DLGAP2: variants seen among roughly 807,000 people sequenced by gnomAD.
The protein encoded by DLGAP2 is disks large-associated protein 2.
DLGAP2 carries 26 observed loss-of-function variants against 100.3 expected under a neutral mutation model. That is an observed-to-expected ratio of 0.26 (90% confidence interval 0.19 to 0.36). The LOEUF (loss-of-function observed/expected upper bound fraction) is 0.36. Ranked by LOEUF, DLGAP2 falls within the 10% of genes least tolerant of loss-of-function variation. The pLI, the probability that DLGAP2 is intolerant of heterozygous loss-of-function variation, is 1.00. For missense variants in DLGAP2, 1,858 were observed against 1,453.2 expected (o/e 1.28, Z -4.53); for synonymous variants, 886 against 630.1 (o/e 1.41, Z -6.08).
At chr8:1,517,261 G>T (rs1479407063) in intron 4 of DLGAP2, among the ~76,000 whole-genome samples, 1 of 152,150 alleles carries the variant, frequency 6.6e-6, no homozygotes, top group Non-Finnish European at 1.5e-5. Flanking sequence ...GCCCTCTGTG[G>T]GGTCAGGAGC....
intron 3 of DLGAP2, among the ~76,000 whole-genome samples, chr8:1,499,924 C>A (rs11136400): frequency 2.0e-5 from 3 of 149,848 alleles, no homozygotes; most frequent in African/African-American, 7.4e-5. Context: ...TCCAGCATCA[C>A]ACTCTGAAAT....
intron 8 of DLGAP2, among the ~76,000 whole-genome samples, chr8:1,651,787 A>G (rs1290239426): frequency 6.6e-6 from 1 of 152,132 alleles, no homozygotes; most frequent in Non-Finnish European, 1.5e-5. Context: ...CCATCTGGGT[A>G]TGTGCTCATC....
intron 10 of DLGAP2, among the ~76,000 whole-genome samples, chr8:1,671,550 C>T (rs1356820439): frequency 6.6e-6 from 1 of 152,226 alleles, no homozygotes; most frequent in African/African-American, 2.4e-5. Flanking sequence ...GGTCCTGTCC[C>T]ACAATGCAAC....
At chr8:1,104,136 A>G (rs1346172242) in intron 2 of DLGAP2, among the ~76,000 whole-genome samples, 4 of 152,182 alleles carry the variant, frequency 2.6e-5, no homozygotes, top group African/African-American at 9.7e-5. Flanking sequence ...TGGGGGTACC[A>G]CGTGTTAGGG....
chr8:858,582 T>C (rs1797327687), intron 1 of DLGAP2, among the ~76,000 whole-genome samples: 1 of 148,812 alleles, frequency 6.7e-6, no homozygotes, highest in African/African-American at 2.5e-5. Flanking sequence ...CGTGGGGACA[T>C]GTGTGACGCT....
chr8:926,033 C>T (rs1584894486), intron 2 of DLGAP2, among the ~76,000 whole-genome samples: 1 of 152,302 alleles, frequency 6.6e-6, no homozygotes, highest in East Asian at 1.9e-4. Flanking sequence ...CTCGGGGGCA[C>T]AGAGCAGGTC....
intron 3 of DLGAP2, among the ~76,000 whole-genome samples, chr8:1,387,520 G>A (rs1297512228): frequency 2.0e-5 from 3 of 152,140 alleles, no homozygotes; most frequent in African/African-American, 2.4e-5. Flanking sequence ...GGAGAAGGAC[G>A]GTGGTCGTGG....
At chr8:1,584,837 C>T (rs1352983864) in intron 6 of DLGAP2, among the ~76,000 whole-genome samples, 1 of 152,148 alleles carries the variant, frequency 6.6e-6, no homozygotes, top group Non-Finnish European at 1.5e-5. Context: ...AGTATCTTAC[C>T]TTACATCTCT....
At chr8:1,291,475 A>G (rs1363941999) in intron 3 of DLGAP2, among the ~76,000 whole-genome samples, 1 of 152,152 alleles carries the variant, frequency 6.6e-6, no homozygotes, top group Admixed American at 6.5e-5. Flanking sequence ...AGGCAGACGT[A>G]TGGCTCCCTT....
intron 2 of DLGAP2, among the ~76,000 whole-genome samples, chr8:951,203 T>C (rs2654024): frequency 0.93 from 141,811 of 152,268 alleles, 66,420 homozygotes; most frequent in African/African-American, 0.98. Context: ...AGGATATCTA[T>C]CTTGTTTCTG....
chr8:1,171,187 C>T (rs555616019), intron 2 of DLGAP2, among the ~76,000 whole-genome samples: 26 of 152,146 alleles, frequency 1.7e-4, no homozygotes, highest in East Asian at 5.8e-4. Context: ...TGTAGTTGAG[C>T]GGTTTTGAGT....
intron 3 of DLGAP2, among the ~76,000 whole-genome samples, chr8:1,443,295 C>T: frequency 6.6e-6 from 1 of 151,580 alleles, no homozygotes; most frequent in African/African-American, 2.4e-5. Flanking sequence ...CTCCACTGCC[C>T]AGAGATAATC....
intron 3 of DLGAP2, among the ~76,000 whole-genome samples, chr8:1,347,860 T>A (rs1482914738): frequency 6.6e-6 from 1 of 151,532 alleles, no homozygotes; most frequent in African/African-American, 2.4e-5. Context: ...CATACAGAGC[T>A]ACATTGCACT....
chr8:872,836 C>T (rs1422502596), intron 1 of DLGAP2, among the ~76,000 whole-genome samples: 1 of 152,188 alleles, frequency 6.6e-6, no homozygotes, highest in African/African-American at 2.4e-5. Flanking sequence ...ACCCCTGCCT[C>T]CTGTATCAGC....
chr8:1,548,446 G>C (rs529819169), intron 4 of DLGAP2, among the ~76,000 whole-genome samples, 180 bp from the exon 5 acceptor site: 1 of 125,282 alleles, frequency 8.0e-6, no homozygotes, highest in East Asian at 2.6e-4. Flanking sequence ...GCGACAGAGC[G>C]AGACTGTCTC....
At chr8:1,677,264 A>T (rs1309562865) in intron 11 of DLGAP2, among the ~76,000 whole-genome samples, 1 of 152,106 alleles carries the variant, frequency 6.6e-6, no homozygotes, top group Non-Finnish European at 1.5e-5. Flanking sequence ...TTTTGATTGC[A>T]AAGAAATTCC....
chr8:1,146,980 G>C (rs1414041830), intron 2 of DLGAP2, among the ~76,000 whole-genome samples: 1 of 152,076 alleles, frequency 6.6e-6, no homozygotes, highest in African/African-American at 2.4e-5. Context: ...TTCCAACCCT[G>C]CATTTCCAGA....
intron 2 of DLGAP2, among the ~76,000 whole-genome samples, chr8:973,433 C>A (rs35819358): frequency 1.3e-5 from 2 of 150,810 alleles, no homozygotes; most frequent in Non-Finnish European, 1.5e-5. Flanking sequence ...ACCTCCCAGA[C>A]GGGGTCACGG....
intron 1 of DLGAP2, among the ~76,000 whole-genome samples, chr8:876,815 T>A (rs1723768477): frequency 6.6e-6 from 1 of 152,170 alleles, no homozygotes; most frequent in Non-Finnish European, 1.5e-5. Flanking sequence ...CCTTCAGTTG[T>A]CTCTGTCTTC....
Sources: allele counts gnomAD v4.1 joint callset (sites outside exome capture counted in the v4.1 genomes callset), GRCh38; gene constraint gnomAD v4.1.1; transcripts MANE v1.5; gene names NCBI Gene and HGNC (gene_info 2026-07-23, HGNC 2026-07-21).